ATXN1L: variants seen among roughly 807,000 people sequenced by gnomAD.
The protein encoded by ATXN1L is ataxin-1-like.
Under a neutral mutation model 43.4 loss-of-function variants are expected in ATXN1L, and 8 were observed. The ratio of observed to expected loss-of-function variants is 0.18; its 90% CI spans 0.11 to 0.33. The LOEUF (loss-of-function observed/expected upper bound fraction) is 0.33, where lower values mean the gene tolerates loss of function less well. Among genes scored for constraint, ATXN1L ranks in the 10% least tolerant of loss-of-function variants. ATXN1L has a pLI of 1.00. For synonymous variants in ATXN1L, 379 were observed against 360.6 expected, an observed-to-expected ratio of 1.05 and a Z score of -0.58; for missense variants, 856 against 885.4, an observed-to-expected ratio of 0.97 and a Z score of 0.42.
rs1174826084 is a variant in ATXN1L at position 71,850,659 on chromosome 16, G to A, written c.919G>A (p.Val307Met). 1.3e-6 allele frequency: 2 copies of A among 1,551,624 alleles called. No homozygotes were observed. The highest frequency in any genetic ancestry group is 2.4e-5 in the South Asian group (2 of 84,064). ...ACTGGTGCCAGTGGTAGAATGTGTG[G>A]TGGATGGACAGTTGTTTTCAGGTTC... ...QGLVPVVECVVDGQLFSGSQT... is the reference protein window; with the variant it reads ...QGLVPVVECVMDGQLFSGSQT... The change falls in exon 3 of 3, where the codon GTG becomes ATG. Residue 307 changes from valine to methionine, a missense_variant. By Grantham distance (21) the Val-to-Met change is conservative (BLOSUM62 1). Around this residue, in one of 7 missense-constraint regions of ATXN1L, gnomAD observed 490 missense variants for 449.4 expected, o/e 1.09. Transcript: ENST00000427980.
rs1567389335 is a variant in ATXN1L at position 71,849,692 on chromosome 16, C to G, written c.-49C>G. ...TACAGAGAAGCCCCTTCTGATGCCC[C>G]AGGGAGCAAGTCGACTCCTTCCAGG... On this transcript the variant is annotated 5_prime_UTR_variant, in exon 3 of 3. Coordinates refer to ENST00000427980, the MANE Select transcript of ATXN1L (RefSeq NM_001137675.4). 1 of 1,456,916 alleles carries G rather than the reference C, an allele frequency of 6.9e-7. No individual in the cohort carries two copies. Among genetic ancestry groups the G allele is most frequent in the Non-Finnish European group, 9.1e-7 (1 of 1,101,626 alleles). 90.2% of individuals were successfully genotyped at this position (1,456,916 alleles called of 1,614,324 possible). A position where few individuals can be genotyped will look rare whatever the true frequency, so the allele number is the denominator to read the frequency against.
rs537009995 is a variant in ATXN1L, at chr16:71,848,590, A to G, written c.-118+519A>G. On this transcript the variant is annotated intron_variant, in intron 2 of 2. Transcript: ENST00000427980. ...AAGAGGAGAAACAAGTTGACAGCAA[A>G]CTAGTTTAATCACTTTCACTATATA... 1.8e-4 allele frequency among the ~76,000 whole-genome samples: 28 copies of G among 152,324 alleles called. No individual in the cohort carries two copies. In the South Asian group the frequency reaches 5.8e-3, roughly 32 times the overall value.
chr16:71,855,883 G>A lies in ATXN1L; in HGVS notation c.*4073G>A, dbSNP rs1350310068. On this transcript the variant is annotated 3_prime_UTR_variant, in exon 3 of 3. Transcript: ENST00000427980. ...GCTGAACCTTATTAGGTTGGATGTC[G>A]ATCAGGAACCTGTTTGCCCTTTGCT... 6.0e-6 allele frequency: 1 copy of A among 167,028 alleles called. No homozygotes were observed. Among genetic ancestry groups the A allele is most frequent in the Non-Finnish European group, 1.5e-5 (1 of 68,120 alleles). The allele number at this position is 167,028 out of a possible 1,614,324, so 10.3% of individuals were successfully genotyped here.
At position 71,850,327 on chromosome 16, in the gene ATXN1L, A is replaced by G; in HGVS notation, c.587A>G (p.His196Arg). The G allele has an allele frequency of 6.4e-7, 1 of 1,551,120 alleles. No individual in the cohort carries two copies. The highest frequency in any genetic ancestry group is 1.2e-5 in the South Asian group (1 of 84,040). ...CCCCCACAGGCTCCCTCCCCGGCCC[A>G]CTCATTTAACAAAGCTCCCTCTGCC... ...TPPPQAPSPA[H>R]SFNKAPSATS... The change falls in exon 3 of 3, where the codon CAC becomes CGC. Residue 196 changes from histidine (H) to arginine (R), a missense_variant. His to Arg is a conservative substitution (Grantham distance 29). This residue lies in a region of ATXN1L where 490 missense variants were observed against 449.4 expected (regional missense o/e 1.09). Coordinates refer to ENST00000427980, the MANE Select transcript of ATXN1L (RefSeq NM_001137675.4).
chr16:71,848,011 C>A lies in ATXN1L; in HGVS notation c.-178C>A. 1 of 456,002 alleles carries A rather than the reference C, an allele frequency of 2.2e-6. No individual in the cohort carries two copies. The highest frequency in any genetic ancestry group is 1.5e-5 in the South Asian group (1 of 64,556). The allele number at this position is 456,002 out of a possible 1,614,324, so 28.2% of individuals were successfully genotyped here. A position where few individuals can be genotyped will look rare whatever the true frequency, so the allele number is the denominator to read the frequency against. ...TCCATTCCTGTTTCTATCTTCTAGG[C>A]TCCCGAGCCAGCCGGGAGGACACTT... is the stretch of plus-strand genomic sequence containing the variant. On this transcript the variant is annotated splice_region_variant and 5_prime_UTR_variant, in exon 2 of 3. Transcript: ENST00000427980.
At chr16:71,847,956 G>A (rs1196583295) in intron 1 of ATXN1L, 54 bp from the exon 2 acceptor site, 5 of 451,146 alleles carry the variant, frequency 1.1e-5, no homozygotes, top group South Asian at 6.3e-5. Flanking sequence ...GGTGACCCTG[G>A]GGAGAATTAG....
Position 71,851,359 on chromosome 16 carries a change from C to G in ATXN1L, c.1619C>G (p.Pro540Arg). 6.4e-7 allele frequency: 1 copy of G among 1,551,598 alleles called. No homozygotes were observed. The highest frequency in any genetic ancestry group is 8.7e-7 in the Non-Finnish European group (1 of 1,146,966). Reference sequence around the variant, plus strand: ...CAGAGCAAAGTGAGCATCGAAGTGCCCCCCGAGCACCCCTTCTTTGTATAT... The same window carrying G: ...CAGAGCAAAGTGAGCATCGAAGTGCGCCCCGAGCACCCCTTCTTTGTATAT... ...EQQSKVSIEV[P>R]PEHPFFVYGQ... Residue 540 changes from proline to arginine, a missense_variant, in exon 3 of 3, where the codon CCC becomes CGC. Pro to Arg is a moderately radical substitution (Grantham distance 103). Around this residue, in one of 7 missense-constraint regions of ATXN1L, gnomAD observed 54 missense variants for 56.6 expected, o/e 0.95. Transcript: ENST00000427980. This position sits in a 1 kb window ranked among gnomAD's most constrained non-coding sequence, Gnocchi z 4.9.
intron 1 of ATXN1L, among the ~76,000 whole-genome samples, chr16:71,846,423 C>T (rs2033443845): frequency 6.6e-6 from 1 of 152,228 alleles, no homozygotes; most frequent in African/African-American, 2.4e-5. Flanking sequence ...GGGTGGACCC[C>T]CTACTCTCTA....
Position 71,850,186 on chromosome 16 carries a change from C to G in ATXN1L, c.446C>G (p.Ala149Gly). 6.4e-7 allele frequency: 1 copy of G among 1,551,738 alleles called. No homozygotes were observed. The highest frequency in any genetic ancestry group is 1.4e-5 in the African/African-American group (1 of 73,148). Residue 149 changes from alanine to glycine, a missense_variant, in exon 3 of 3, where the codon GCT becomes GGT. Physicochemically the swap from Ala to Gly is moderately conservative, Grantham distance 60. Transcript: ENST00000427980. ...FIGSPYSLPYAVPPNFLPSPL... is the reference protein window; with the variant it reads ...FIGSPYSLPYGVPPNFLPSPL... Reference sequence around the variant, plus strand: ...GGGTCTCCTTATAGCCTTCCCTATGCTGTGCCACCTAATTTCCTACCGAGT... The same window carrying G: ...GGGTCTCCTTATAGCCTTCCCTATGGTGTGCCACCTAATTTCCTACCGAGT...
chr16:71,857,174 A>G lies in ATXN1L; in HGVS notation c.*5364A>G, dbSNP rs978235391. ...GTGAGATCCTTTTTGCTGTTTTACC[A>G]TTTTAAGTCTCTGTACTTGGCTACA... On this transcript the variant is annotated 3_prime_UTR_variant, in exon 3 of 3. Coordinates refer to ENST00000427980, the MANE Select transcript of ATXN1L (RefSeq NM_001137675.4). 4 of 166,618 alleles carry G rather than the reference A, an allele frequency of 2.4e-5. No homozygotes were observed. Among genetic ancestry groups the G allele is most frequent in the Non-Finnish European group, 4.4e-5 (3 of 68,098 alleles). 10.3% of individuals were successfully genotyped at this position (166,618 alleles called of 1,614,324 possible).
At position 71,855,574 on chromosome 16, in the gene ATXN1L, GT is replaced by G. The variant is rs1264909268; in HGVS notation, c.*3767del. The G allele has an allele frequency of 2.4e-5, 4 of 167,136 alleles. No homozygotes were observed. In the East Asian group the frequency reaches 7.7e-4, roughly 32 times the overall value. 10.4% of individuals were successfully genotyped at this position (167,136 alleles called of 1,614,324 possible). On this transcript the variant is annotated 3_prime_UTR_variant, in exon 3 of 3. Coordinates refer to ENST00000427980, the MANE Select transcript of ATXN1L (RefSeq NM_001137675.4). Reference sequence around the variant, plus strand: ...GGGGGAAGCACAGGATGGTGGTGTGGTTTAAACCTGCAGCAAGCAGGCATGT... The same window carrying G: ...GGGGGAAGCACAGGATGGTGGTGTGGTTAAACCTGCAGCAAGCAGGCATGT...
chr16:71,851,440 C>A lies in ATXN1L; in HGVS notation c.1700C>A (p.Pro567His). 1 of 1,551,596 alleles carries A rather than the reference C, an allele frequency of 6.4e-7. No individual in the cohort carries two copies. Among genetic ancestry groups the A allele is most frequent in the Non-Finnish European group, 8.7e-7 (1 of 1,146,970 alleles). ...PGRTTQLFSL[P>H]CHRLQVGDVC... ...CGGACGACACAACTCTTCTCTCTGC[C>A]CTGCCATCGGCTACAGGTGGGAGAT... Residue 567 changes from proline (P) to histidine (H), a missense_variant, in exon 3 of 3, where the codon CCC becomes CAC. This residue lies in a region of ATXN1L where 185 missense variants were observed against 176.8 expected (regional missense o/e 1.05). Transcript: ENST00000427980. This position sits in a 1 kb window ranked among gnomAD's most constrained non-coding sequence, Gnocchi z 4.9.
Position 71,854,337 on chromosome 16 carries a change from G to A in ATXN1L, c.*2527G>A, listed in dbSNP as rs962642392. On this transcript the variant is annotated 3_prime_UTR_variant, in exon 3 of 3. Coordinates refer to ENST00000427980, the MANE Select transcript of ATXN1L (RefSeq NM_001137675.4). ...GAAAGAGAAATTCTTGAGGACCCTG[G>A]CAAGTTGGGCCCTGACCTTTCTGTT... The A allele has an allele frequency of 1.2e-5, 2 of 167,076 alleles. No homozygotes were observed. The highest frequency in any genetic ancestry group is 1.5e-5 in the Non-Finnish European group (1 of 68,114). The allele number at this position is 167,076 out of a possible 1,614,324, so 10.3% of individuals were successfully genotyped here.
Position 71,856,293 on chromosome 16 carries a change from A to G in ATXN1L, c.*4483A>G, listed in dbSNP as rs561203325. 1 of 167,266 alleles carries G rather than the reference A, an allele frequency of 6.0e-6. No individual in the cohort carries two copies. The highest frequency in any genetic ancestry group is 1.5e-5 in the Non-Finnish European group (1 of 68,128). The allele number at this position is 167,266 out of a possible 1,614,324, so 10.4% of individuals were successfully genotyped here. ...CTCAAAGTTTTGTGATCCCAAAGCC[A>G]TTCCACTGCAAATGCCCAGCAGTGA... On this transcript the variant is annotated 3_prime_UTR_variant, in exon 3 of 3. Transcript: ENST00000427980.
rs1224800266 is a variant in ATXN1L, at chr16:71,851,061, A to G, written c.1321A>G (p.Ser441Gly). 1 of 1,551,668 alleles carries G rather than the reference A, an allele frequency of 6.4e-7. No individual in the cohort carries two copies. The highest frequency in any genetic ancestry group is 2.4e-5 in the East Asian group (1 of 40,910). ...PVGSEILVAS[S>G]LDVQARATFP... is the part of the protein sequence containing the mutation. ...GGGCTCGGAGATCCTGGTAGCATCA[A>G]GTCTGGACGTGCAGGCCAGAGCCAC... The change falls in exon 3 of 3, where the codon AGT (serine) becomes GGT (glycine). Residue 441 changes from serine (S) to glycine (G), a missense_variant. Around this residue, in one of 7 missense-constraint regions of ATXN1L, gnomAD observed 490 missense variants for 449.4 expected, o/e 1.09. Coordinates refer to ENST00000427980, the MANE Select transcript of ATXN1L (RefSeq NM_001137675.4). The surrounding 1 kb of genome is among the most constrained non-coding windows in gnomAD (Gnocchi z 4.9).
rs560590863 is a variant in ATXN1L, at chr16:71,852,895, G to C, written c.*1085G>C. 6.0e-6 allele frequency: 1 copy of C among 167,122 alleles called. No homozygotes were observed. The highest frequency in any genetic ancestry group is 1.5e-5 in the Non-Finnish European group (1 of 68,162). 10.4% of individuals were successfully genotyped at this position (167,122 alleles called of 1,614,324 possible). A position where few individuals can be genotyped will look rare whatever the true frequency, so the allele number is the denominator to read the frequency against. ...ACCTCTAGTTTTTGGTGGGTAGGGG[G>C]TCTCTCTGGTTTCCCCTTCAGCTAT... On this transcript the variant is annotated 3_prime_UTR_variant, in exon 3 of 3. Coordinates refer to ENST00000427980, the MANE Select transcript of ATXN1L (RefSeq NM_001137675.4).
Position 71,857,191 on chromosome 16 carries a change from T to G in ATXN1L, c.*5381T>G, listed in dbSNP as rs924102427. On this transcript the variant is annotated 3_prime_UTR_variant, in exon 3 of 3. Transcript: ENST00000427980. ...GTTTTACCATTTTAAGTCTCTGTACTTGGCTACACACAGATTGTATTTTTA... is the reference window on the plus strand; with the variant it reads ...GTTTTACCATTTTAAGTCTCTGTACGTGGCTACACACAGATTGTATTTTTA... The G allele has an allele frequency of 1.8e-5, 3 of 166,406 alleles. No homozygotes were observed. Among genetic ancestry groups the G allele is most frequent in the Admixed American group, 6.5e-5 (1 of 15,292 alleles). 10.3% of individuals were successfully genotyped at this position (166,406 alleles called of 1,614,324 possible). A position where few individuals can be genotyped will look rare whatever the true frequency, so the allele number is the denominator to read the frequency against.
intron 2 of ATXN1L, among the ~76,000 whole-genome samples, chr16:71,848,772 G>A (rs948604421): frequency 6.6e-6 from 1 of 152,076 alleles, no homozygotes; most frequent in African/African-American, 2.4e-5. Flanking sequence ...GGCAAAGGAG[G>A]AAGAGAGTTT....
rs2033528366 is a variant in ATXN1L, at chr16:71,853,827, G to A, written c.*2017G>A. 6.0e-6 allele frequency: 1 copy of A among 167,114 alleles called. No individual in the cohort carries two copies. The highest frequency in any genetic ancestry group is 2.1e-4 in the South Asian group (1 of 4,832). The allele number at this position is 167,114 out of a possible 1,614,324, so 10.4% of individuals were successfully genotyped here. A position where few individuals can be genotyped will look rare whatever the true frequency, so the allele number is the denominator to read the frequency against. On this transcript the variant is annotated 3_prime_UTR_variant, in exon 3 of 3. Transcript: ENST00000427980. Reference sequence around the variant, plus strand: ...AGTCAGCTTTTGGGGGTCCATCAAAGGAGGTTGCTGACCTGACCGTGAGTG... The same window carrying A: ...AGTCAGCTTTTGGGGGTCCATCAAAAGAGGTTGCTGACCTGACCGTGAGTG...
Sources: allele counts gnomAD v4.1 joint callset (sites outside exome capture counted in the v4.1 genomes callset), GRCh38; gene constraint gnomAD v4.1.1; regional missense constraint gnomAD v4.1.1; non-coding constraint Gnocchi (gnomAD v3.1); transcripts MANE v1.5; gene names NCBI Gene and HGNC (gene_info 2026-07-23, HGNC 2026-07-21).